Variants in BCAS4 observed in about 807,000 individuals in gnomAD.
BCAS4 encodes breast carcinoma amplified sequence 4.
BCAS4 carries 9 observed loss-of-function variants against 15.7 expected under a neutral mutation model. The observed-to-expected ratio is 0.57, with a 90% CI of 0.34 to 1.00. The LOEUF is 1.00. Ranked by LOEUF, BCAS4 falls within the 50% of genes least tolerant of loss-of-function variation. The pLI, the probability that BCAS4 is intolerant of heterozygous loss-of-function variation, is 0.02. For synonymous variants in BCAS4, 101 were observed against 99.5 expected, an observed-to-expected ratio of 1.02 and a Z score of -0.09; for missense variants, 225 against 239.1, an observed-to-expected ratio of 0.94 and a Z score of 0.39.
chr20:50,798,315 A>AC (rs1225449735), intron 1 of BCAS4, among the ~76,000 whole-genome samples: 1 of 152,056 alleles, frequency 6.6e-6, no homozygotes, highest in Non-Finnish European at 1.5e-5. Flanking sequence ...AAACAAACAA[A>AC]AAAAACCCAA....
intron 1 of BCAS4, among the ~76,000 whole-genome samples, chr20:50,804,669 T>G (rs1401443182): frequency 6.6e-6 from 1 of 152,206 alleles, no homozygotes; most frequent in Non-Finnish European, 1.5e-5. Context: ...CACATGCATT[T>G]TAAATGTTCG....
intron 2 of BCAS4, among the ~76,000 whole-genome samples, chr20:50,823,324 A>T (rs2088239663): frequency 1.3e-5 from 2 of 152,036 alleles, no homozygotes; most frequent in Admixed American, 6.6e-5. Flanking sequence ...TCGGTGACAG[A>T]GTGAGACTCC....
intron 4 of BCAS4, among the ~76,000 whole-genome samples, chr20:50,860,806 G>A (rs538311855): frequency 2.6e-5 from 4 of 152,202 alleles, no homozygotes; most frequent in South Asian, 2.1e-4. Flanking sequence ...AACCTGTGGC[G>A]GAGGTTGCAG....
chr20:50,840,526 G>T (rs1452840436), intron 3 of BCAS4: 1 of 1,405,926 alleles, frequency 7.1e-7, no homozygotes, highest in East Asian at 2.3e-5. Context: ...CAACCTCTTT[G>T]CATCTTACAG....
At chr20:50,853,168 G>A (rs1374519695) in intron 4 of BCAS4, among the ~76,000 whole-genome samples, 1 of 113,154 alleles carries the variant, frequency 8.8e-6, no homozygotes, top group Non-Finnish European at 1.7e-5. Flanking sequence ...TTTTTGAGTC[G>A]TAGTCTTGCT....
At chr20:50,846,226 C>G (rs954218140) in intron 4 of BCAS4, among the ~76,000 whole-genome samples, 3 of 152,196 alleles carry the variant, frequency 2.0e-5, no homozygotes, top group Admixed American at 6.5e-5. Flanking sequence ...TTATATTGAT[C>G]GTTATAACAT....
In BCAS4 at chr20:50,840,614, A is replaced by G. The variant is rs1046710486; in HGVS notation, c.265-1152A>G. The G allele has an allele frequency of 6.3e-6, 10 of 1,597,336 alleles. No individual in the cohort carries two copies. In the Admixed American group the frequency reaches 6.7e-5, roughly 11 times the overall value. On this transcript the variant is annotated intron_variant, in intron 3 of 4. Transcript: ENST00000371608. ...AGTGCATATTGACGGCACACGCCTC[A>G]TTACGATTCGCCTGCTTGCTTCTCC...
At position 50,836,799 on chromosome 20, in the gene BCAS4, C is replaced by T. The variant is rs60471095; in HGVS notation, c.265-4967C>T. Among the ~76,000 whole-genome samples the T allele has an allele frequency of 8.7e-3, 1,328 of 152,306 alleles. 24 individuals carry two copies. The highest frequency in any genetic ancestry group is 0.031 in the African/African-American group (1,277 of 41,558). ...GAGTGCAGTGGTGCAGTCACACTTC[C>T]TGGCCTCAACCGATCCTCTCACCTC... On this transcript the variant is annotated intron_variant, in intron 3 of 4. Transcript: ENST00000371608.
intron 3 of BCAS4, 47 bp downstream of exon 3, chr20:50,830,427 C>A: frequency 6.6e-7 from 1 of 1,517,170 alleles, no homozygotes; most frequent in Admixed American, 1.9e-5. Context: ...CTTGATCTTG[C>A]TTTTGCCTTT....
chr20:50,814,850 A>G (rs1371410057), intron 1 of BCAS4, among the ~76,000 whole-genome samples: 1 of 152,130 alleles, frequency 6.6e-6, no homozygotes, highest in Admixed American at 6.5e-5. Flanking sequence ...GCTCATGCCT[A>G]TAATATCAGC....
chr20:50,810,735 C>T (rs759039887), intron 1 of BCAS4, among the ~76,000 whole-genome samples: 3 of 151,908 alleles, frequency 2.0e-5, no homozygotes, highest in Non-Finnish European at 4.4e-5. Context: ...GGACTACAGC[C>T]GCCCGCAACA....
chr20:50,803,373 G>A (rs998044284), intron 1 of BCAS4, among the ~76,000 whole-genome samples: 9 of 152,172 alleles, frequency 5.9e-5, no homozygotes, highest in African/African-American at 1.9e-4. Flanking sequence ...GTGTGCTGCC[G>A]TTTTCTGTAA....
At chr20:50,840,845 T>C (rs2088470935) in intron 3 of BCAS4, 4 of 934,176 alleles carry the variant, frequency 4.3e-6, no homozygotes, top group Non-Finnish European at 7.0e-6. Context: ...ATTTATTTTT[T>C]TGAGACGGAG....
chr20:50,865,978 C>A (rs1415037899), intron 4 of BCAS4, among the ~76,000 whole-genome samples: 2 of 152,164 alleles, frequency 1.3e-5, no homozygotes, highest in African/African-American at 4.8e-5. Context: ...CAGGACATAG[C>A]AGGGCACCCA....
chr20:50,800,967 G>C (rs2087919926), intron 1 of BCAS4, among the ~76,000 whole-genome samples: 1 of 152,234 alleles, frequency 6.6e-6, no homozygotes, highest in Non-Finnish European at 1.5e-5. Flanking sequence ...AGATGGCCTT[G>C]AGTTTCAAGA....
At chr20:50,840,340 G>A (rs2088461326) in intron 3 of BCAS4, among the ~76,000 whole-genome samples, 1 of 152,126 alleles carries the variant, frequency 6.6e-6, no homozygotes, top group African/African-American at 2.4e-5. Context: ...GACACCTTGG[G>A]CCAGCTTGGT....
At chr20:50,835,629 C>T (rs901238716) in intron 3 of BCAS4, among the ~76,000 whole-genome samples, 1 of 152,062 alleles carries the variant, frequency 6.6e-6, no homozygotes, top group Non-Finnish European at 1.5e-5. Context: ...AAGACCAACC[C>T]CAAGCTCTCC....
At chr20:50,848,225 C>T (rs2088571209) in intron 4 of BCAS4, among the ~76,000 whole-genome samples, 1 of 152,130 alleles carries the variant, frequency 6.6e-6, no homozygotes, top group Non-Finnish European at 1.5e-5. Context: ...CACTGCACTC[C>T]AGCCTGGGTG....
intron 1 of BCAS4, among the ~76,000 whole-genome samples, chr20:50,813,674 CTTT>C (rs965295871): frequency 1.2e-5 from 1 of 82,388 alleles, no homozygotes; most frequent in South Asian, 4.8e-4. Flanking sequence ...GGTGGAGGAC[CTTT>C]TTTTTTTTTT....
Sources: gnomAD v4.1 joint callset for allele counts (sites outside exome capture counted in the v4.1 genomes callset) on GRCh38, gnomAD v4.1.1 for gene constraint, MANE v1.5 for transcripts, NCBI Gene and HGNC (gene_info 2026-07-23, HGNC 2026-07-21) for gene names.